Variants in DAP observed in about 807,000 individuals in gnomAD.
DAP encodes death-associated protein 1.
Under a neutral mutation model 13.8 loss-of-function variants are expected in DAP, and 8 were observed. The observed-to-expected ratio is 0.58, with a 90% CI of 0.34 to 1.05. The LOEUF (loss-of-function observed/expected upper bound fraction) is 1.05. Ranked by LOEUF, DAP falls within the 50% of genes least tolerant of loss-of-function variation. DAP has a pLI of 0.03. For synonymous variants in DAP, 47 were observed against 47.5 expected (o/e 0.99, Z 0.04); for missense variants, 106 against 133.2 (o/e 0.80, Z 1.01).
At position 10,748,226 on chromosome 5, in the gene DAP, C is replaced by G. The variant is rs773776115; in HGVS notation, c.101G>C (p.Gly34Ala). 1 of 1,613,992 alleles carries G rather than the reference C, an allele frequency of 6.2e-7. No homozygotes were observed. The highest frequency in any genetic ancestry group is 8.5e-7 in the Non-Finnish European group (1 of 1,179,998). The part of the protein sequence containing the change: ...MRIVQKHPHT[G>A]DTKEEKDKDD... ...CTTGTCTTTCTCTTCTTTGGTGTCT[C>G]CTGTATGTGGGTGTTTCTGCACAAT... is the stretch of plus-strand genomic sequence containing the variant. Residue 34 changes from glycine to alanine, a missense_variant, in exon 2 of 4, where the codon GGA becomes GCA. Physicochemically the swap from Gly to Ala is moderately conservative, Grantham distance 60. Coordinates refer to ENST00000230895, the MANE Select transcript of DAP (RefSeq NM_004394.3).
chr5:10,721,207 A>C (rs1254371835), intron 2 of DAP, among the ~76,000 whole-genome samples: 1 of 152,208 alleles, frequency 6.6e-6, no homozygotes, highest in Non-Finnish European at 1.5e-5. Flanking sequence ...TCCCACAGCC[A>C]GGATTCACGG....
At chr5:10,757,761 C>T (rs1248823229) in intron 1 of DAP, among the ~76,000 whole-genome samples, 1 of 152,178 alleles carries the variant, frequency 6.6e-6, no homozygotes, top group African/African-American at 2.4e-5. Flanking sequence ...TCCCTGCGCA[C>T]AGTACAGAGA....
At chr5:10,708,893 C>T (rs981330808) in intron 2 of DAP, among the ~76,000 whole-genome samples, 9 of 152,304 alleles carry the variant, frequency 5.9e-5, no homozygotes, top group Middle Eastern at 3.4e-3. Context: ...AACCTTATTT[C>T]GTTGGATTTC....
chr5:10,697,946 C>A (rs573485760), intron 2 of DAP, among the ~76,000 whole-genome samples: 1 of 152,148 alleles, frequency 6.6e-6, no homozygotes, highest in Non-Finnish European at 1.5e-5. Context: ...AGTCACAGAG[C>A]TACGCATCTA....
intron 2 of DAP, among the ~76,000 whole-genome samples, chr5:10,686,228 C>T (rs955205909): frequency 6.6e-6 from 1 of 152,356 alleles, no homozygotes; most frequent in South Asian, 2.1e-4. Flanking sequence ...CTCTCCTTCT[C>T]TTCAGGCCTC....
Position 10,680,983 on chromosome 5 carries a change from C to G in DAP, c.*73G>C. The G allele has an allele frequency of 6.5e-7, 1 of 1,548,512 alleles. No homozygotes were observed. The highest frequency in any genetic ancestry group is 8.7e-7 in the Non-Finnish European group (1 of 1,147,394). On this transcript the variant is annotated 3_prime_UTR_variant, in exon 4 of 4. Transcript: ENST00000230895. ...GCAGAGTAGGATTTGGGCGAAACTGCTGGTTCTCTCTGTCAGGGAAATACC... is the reference window on the plus strand; with the variant it reads ...GCAGAGTAGGATTTGGGCGAAACTGGTGGTTCTCTCTGTCAGGGAAATACC...
At chr5:10,737,445 C>A (rs1227505476) in intron 2 of DAP, among the ~76,000 whole-genome samples, 3 of 152,082 alleles carry the variant, frequency 2.0e-5, no homozygotes, top group Non-Finnish European at 4.4e-5. Context: ...CTGAAATCTC[C>A]ACACACATGG....
chr5:10,756,587 A>G (rs1740188449), intron 1 of DAP, among the ~76,000 whole-genome samples: 1 of 152,262 alleles, frequency 6.6e-6, no homozygotes, highest in South Asian at 2.1e-4. Context: ...GAGGGGATGT[A>G]GAGTCTGCTT....
intron 2 of DAP, among the ~76,000 whole-genome samples, chr5:10,711,995 T>C (rs536082158): frequency 6.6e-6 from 1 of 152,168 alleles, no homozygotes; most frequent in Admixed American, 6.5e-5. Flanking sequence ...CACATTCCTA[T>C]GTTGAAGTCC....
Position 10,683,522 on chromosome 5 carries a change from G to C in DAP, c.195+7C>G. 6.2e-7 allele frequency: 1 copy of C among 1,614,030 alleles called. No individual in the cohort carries two copies. Among genetic ancestry groups the C allele is most frequent in the Non-Finnish European group, 8.5e-7 (1 of 1,179,928 alleles). On this transcript the variant is annotated splice_region_variant and intron_variant, in intron 3 of 3. Coordinates refer to ENST00000230895, the MANE Select transcript of DAP (RefSeq NM_004394.3). Reference sequence around the variant, plus strand: ...CTCAAACCCACCGCAGACACTCCCAGACTTACCCGGGCGATGACCCCAGAG... The same window carrying C: ...CTCAAACCCACCGCAGACACTCCCACACTTACCCGGGCGATGACCCCAGAG...
At chr5:10,720,678 T>C (rs966976397) in intron 2 of DAP, among the ~76,000 whole-genome samples, 4 of 152,220 alleles carry the variant, frequency 2.6e-5, no homozygotes, top group African/African-American at 9.6e-5. Flanking sequence ...CAGCCACTGC[T>C]GAGTGCCCAA....
At chr5:10,692,554 G>A (rs1738332625) in intron 2 of DAP, among the ~76,000 whole-genome samples, 1 of 152,166 alleles carries the variant, frequency 6.6e-6, no homozygotes. Flanking sequence ...ATTTGAAGAA[G>A]GCTACCACAA....
intron 2 of DAP, among the ~76,000 whole-genome samples, chr5:10,695,116 G>C (rs1738400166): frequency 6.6e-6 from 1 of 152,206 alleles, no homozygotes; most frequent in Non-Finnish European, 1.5e-5. Flanking sequence ...TGAGCAGAGG[G>C]AAACGTCTCA....
chr5:10,750,481 CCT>C, intron 1 of DAP, among the ~76,000 whole-genome samples: 1 of 152,290 alleles, frequency 6.6e-6, no homozygotes, highest in East Asian at 1.9e-4. Flanking sequence ...GCTGCCCGCA[CCT>C]CTTCTCAACG....
At chr5:10,726,859 G>C (rs1365470859) in intron 2 of DAP, among the ~76,000 whole-genome samples, 1 of 152,180 alleles carries the variant, frequency 6.6e-6, no homozygotes, top group Non-Finnish European at 1.5e-5. Context: ...AGTTTGCTAA[G>C]TGCCAGTCCC....
intron 2 of DAP, among the ~76,000 whole-genome samples, chr5:10,705,663 G>C (rs568346802): frequency 2.6e-5 from 4 of 152,238 alleles, no homozygotes; most frequent in Non-Finnish European, 5.9e-5. Context: ...TTTGGTCTAA[G>C]ATGCTCTCTG....
intron 2 of DAP, among the ~76,000 whole-genome samples, chr5:10,743,671 T>C (rs865794719): frequency 1.1e-4 from 17 of 152,344 alleles, no homozygotes; most frequent in African/African-American, 3.6e-4. Flanking sequence ...CTGCAGTCTC[T>C]CCTTTACATA....
intron 2 of DAP, among the ~76,000 whole-genome samples, chr5:10,701,294 C>T (rs771099770): frequency 2.6e-5 from 4 of 152,128 alleles, no homozygotes; most frequent in Non-Finnish European, 5.9e-5. Context: ...CTCACAACAC[C>T]GATTTAAAAG....
intron 2 of DAP, among the ~76,000 whole-genome samples, chr5:10,690,390 T>C (rs778645715): frequency 4.6e-5 from 7 of 151,596 alleles, no homozygotes; most frequent in Non-Finnish European, 8.9e-5. Context: ...ATTCATATTA[T>C]TATGCTATCA....
Sources: allele counts gnomAD v4.1 joint callset (sites outside exome capture counted in the v4.1 genomes callset), GRCh38; gene constraint gnomAD v4.1.1; transcripts MANE v1.5; gene names NCBI Gene and HGNC (gene_info 2026-07-23, HGNC 2026-07-21).